Variants in ITSN2 observed in about 807,000 individuals in gnomAD.
The protein encoded by ITSN2 is intersectin-2.
A neutral mutation model predicts 243.7 loss-of-function variants in ITSN2; 156 were observed. The observed-to-expected ratio is 0.64, with a 90% confidence interval of 0.56 to 0.73. The LOEUF is 0.73. ITSN2 is among the 30% of genes least tolerant of loss of function. The probability of loss-of-function intolerance (pLI) is 0.00; values close to 1 mark genes in which losing one functional copy is unlikely to be tolerated. For missense variants in ITSN2, 1,801 were observed against 1,996.1 expected (o/e 0.90, Z 1.86); for synonymous variants, 703 against 699.9 (o/e 1.00, Z -0.07).
At chr2:24,217,781 C>T in intron 31 of ITSN2, 126 bp downstream of exon 31, 1 of 556,130 alleles carries the variant, frequency 1.8e-6, no homozygotes, top group Non-Finnish European at 3.3e-6. Flanking sequence ...AATAAAATAA[C>T]AAGCCTGAGG....
chr2:24,330,586 C>T, intron 1 of ITSN2: 1 of 853,234 alleles, frequency 1.2e-6, no homozygotes, highest in South Asian at 1.3e-5. Context: ...AAAGCTTATG[C>T]TGGCAAGGAG....
At chr2:24,255,542 C>T (rs1214715440) in intron 23 of ITSN2, among the ~76,000 whole-genome samples, 7 of 152,230 alleles carry the variant, frequency 4.6e-5, no homozygotes, top group East Asian at 1.9e-4. Flanking sequence ...GCAGGAGAAT[C>T]GCTTGAACAC....
At chr2:24,255,093 C>T (rs1329393748) in intron 23 of ITSN2, among the ~76,000 whole-genome samples, 1 of 152,186 alleles carries the variant, frequency 6.6e-6, no homozygotes, top group Admixed American at 6.5e-5. Context: ...TCCATTACTG[C>T]AGGTTTTCAA....
intron 2 of ITSN2, among the ~76,000 whole-genome samples, chr2:24,315,733 C>T (rs1049612723): frequency 2.0e-5 from 3 of 152,132 alleles, no homozygotes; most frequent in Non-Finnish European, 1.5e-5. Context: ...CTCACAATAG[C>T]TGATGGTTTT....
chr2:24,269,719 C>T (rs79161287), intron 20 of ITSN2, among the ~76,000 whole-genome samples: 2,018 of 152,212 alleles, frequency 0.013, 19 homozygotes, highest in Non-Finnish European at 0.02. Context: ...ACATAGTCAG[C>T]CCTCAAAAAA....
intron 24 of ITSN2, among the ~76,000 whole-genome samples, 196 bp from the exon 25 acceptor site, chr2:24,252,707 A>G (rs2151329873): frequency 6.6e-6 from 1 of 152,304 alleles, no homozygotes; most frequent in South Asian, 2.1e-4. Flanking sequence ...GAAAAAAGTT[A>G]TTTGACTTAA....
chr2:24,208,021 T>G (rs1573849655), intron 37 of ITSN2, among the ~76,000 whole-genome samples: 1 of 150,202 alleles, frequency 6.7e-6, no homozygotes, highest in Non-Finnish European at 1.5e-5. Flanking sequence ...GAGAGGGAGG[T>G]CCCGGAGCTG....
At chr2:24,354,365 T>C (rs571737724) in intron 1 of ITSN2, among the ~76,000 whole-genome samples, 3 of 152,226 alleles carry the variant, frequency 2.0e-5, no homozygotes, top group Non-Finnish European at 4.4e-5. Flanking sequence ...CTTATATAGA[T>C]TATTCCGATG....
intron 7 of ITSN2, chr2:24,309,029 GT>G: frequency 5.6e-6 from 2 of 356,016 alleles, no homozygotes; most frequent in South Asian, 2.3e-5. Context: ...AGGGACCTAG[GT>G]TGGATGCTCC....
In ITSN2 at chr2:24,298,768, C is replaced by T. The variant is rs938940108; in HGVS notation, c.1391G>A (p.Arg464Lys). The change falls in exon 13 of 40, where the codon AGA (arginine) becomes AAA (lysine). Residue 464 changes from arginine to lysine, a missense_variant. Transcript: ENST00000355123. The part of the protein sequence containing the change: ...LERQRRLEWE[R>K]IRRQELLNQK... ...ATTGAGAAGCTCCTGTCGCCGAATT[C>T]TCTCCCATTCTAAGCGACGTTGTCG... 1 of 1,612,186 alleles carries T rather than the reference C, an allele frequency of 6.2e-7. No homozygotes were observed. Among genetic ancestry groups the T allele is most frequent in the Non-Finnish European group, 8.5e-7 (1 of 1,179,332 alleles).
rs768959145 is a variant in ITSN2 at position 24,310,471 on chromosome 2, T to C, written c.556+18A>G. The C allele has an allele frequency of 5.0e-6, 8 of 1,612,308 alleles. No individual in the cohort carries two copies. The Admixed American group carries it at 1.2e-4, about 24-fold the overall frequency. On this transcript the variant is annotated intron_variant, in intron 6 of 39. Coordinates refer to ENST00000355123, the MANE Select transcript of ITSN2 (RefSeq NM_006277.3). ...TTCTTTACATGAAATAATGACTCTT[T>C]AGAAACAAAGTACTCACTTGAAGAA...
intron 3 of ITSN2, 48 bp downstream of exon 3, chr2:24,315,084 T>G (rs766993576): frequency 2.3e-6 from 2 of 887,462 alleles, no homozygotes; most frequent in Non-Finnish European, 3.5e-6. Context: ...TTCTTAGATA[T>G]CACATAAGGA....
chr2:24,203,537 G>A lies in ITSN2; in HGVS notation c.*89C>T, dbSNP rs1244514911. 1.4e-5 allele frequency: 18 copies of A among 1,320,628 alleles called. No individual in the cohort carries two copies. Among genetic ancestry groups the A allele is most frequent in the Middle Eastern group, 2.7e-4 (1 of 3,766 alleles). 81.8% of individuals were successfully genotyped at this position (1,320,628 alleles called of 1,614,324 possible). ...GGCTTTGTGAGGGGTGAAGCTGCAT[G>A]GTGCTCCCTCAGCCCCAAGAGAGCG... On this transcript the variant is annotated 3_prime_UTR_variant, in exon 40 of 40. Transcript: ENST00000355123.
intron 23 of ITSN2, among the ~76,000 whole-genome samples, chr2:24,256,069 C>A (rs1433752414): frequency 6.7e-6 from 1 of 150,368 alleles, no homozygotes; most frequent in African/African-American, 2.4e-5. Flanking sequence ...CAAAAAAAAA[C>A]AAAAATTAGC....
At chr2:24,261,783 C>T (rs1675907381) in intron 20 of ITSN2, 41 bp from the exon 21 acceptor site, 1 of 1,423,322 alleles carries the variant, frequency 7.0e-7, no homozygotes, top group Non-Finnish European at 9.8e-7. Context: ...CTTAGAAATT[C>T]ACACATTTAC....
At chr2:24,219,835 G>A (rs1670280825) in intron 30 of ITSN2, among the ~76,000 whole-genome samples, 1 of 152,192 alleles carries the variant, frequency 6.6e-6, no homozygotes, top group Non-Finnish European at 1.5e-5. Context: ...AAAATGATGG[G>A]CTTTTCTTCT....
chr2:24,347,965 A>T (rs1293526763), intron 1 of ITSN2, among the ~76,000 whole-genome samples: 3 of 152,016 alleles, frequency 2.0e-5, no homozygotes, highest in Non-Finnish European at 4.4e-5. Flanking sequence ...AGTCCTAGCT[A>T]CTCAGGAAAC....
At position 24,289,624 on chromosome 2, in the gene ITSN2, T is replaced by G. The variant is rs7561790; in HGVS notation, c.1724-3273A>C. 7.3e-3 allele frequency among the ~76,000 whole-genome samples: 1,108 copies of G among 152,336 alleles called. 8 individuals are homozygous for G. Among genetic ancestry groups the G allele is most frequent in the African/African-American group, 0.026 (1,067 of 41,572 alleles). ...TTGTCTGAGTAGTCCTGCTAGTACT[T>G]CCAGCATTACGTTGAACAGAAGTGG... On this transcript the variant is annotated intron_variant, in intron 15 of 39. Transcript: ENST00000355123.
At chr2:24,326,989 A>C (rs1685223638) in intron 2 of ITSN2, among the ~76,000 whole-genome samples, 1 of 152,100 alleles carries the variant, frequency 6.6e-6, no homozygotes, top group Non-Finnish European at 1.5e-5. Context: ...CTTTTTTTAA[A>C]TGCTCTTTAA....
Sources: allele counts gnomAD v4.1 joint callset (sites outside exome capture counted in the v4.1 genomes callset), GRCh38; gene constraint gnomAD v4.1.1; transcripts MANE v1.5; gene names NCBI Gene and HGNC (gene_info 2026-07-23, HGNC 2026-07-21).